ATP2C1: variants seen among roughly 807,000 people sequenced by gnomAD.
ATP2C1 encodes the protein calcium-transporting ATPase type 2C member 1.
In ATP2C1, 31 loss-of-function variants were observed where a neutral mutation model predicts 120.5. That is an observed-to-expected ratio of 0.26 (90% CI 0.19 to 0.35). ATP2C1 has a LOEUF of 0.35. Ranked by LOEUF, ATP2C1 falls within the 10% of genes least tolerant of loss-of-function variation. The pLI, the probability that ATP2C1 is intolerant of heterozygous loss-of-function variation, is 1.00. For synonymous variants in ATP2C1, 351 were observed against 358.7 expected (o/e 0.98, Z 0.24); for missense variants, 731 against 1,107.5 (o/e 0.66, Z 4.83).
At position 130,934,641 on chromosome 3, in the gene ATP2C1, T is replaced by C; in HGVS notation, c.254T>C (p.Met85Thr). 1 of 1,613,058 alleles carries C rather than the reference T, an allele frequency of 6.2e-7. No homozygotes were observed. ...YISQFKNPLI[M>T]LLLASAVISV... ...TTTCAGTTTAAAAATCCCCTTATTA[T>C]GCTGCTTCTGGCTTCTGCAGTCATC... is the stretch of plus-strand genomic sequence containing the variant. Residue 85 changes from methionine (M) to threonine (T), a missense_variant, in exon 5 of 28, where the codon ATG becomes ACG. Physicochemically the swap from Met to Thr is moderately conservative, Grantham distance 81 (BLOSUM62 -1). Around this residue, in one of 3 missense-constraint regions of ATP2C1, gnomAD observed 571 missense variants for 845.9 expected, o/e 0.67. Transcript: ENST00000510168.
downstream of ATP2C1, among the ~76,000 whole-genome samples, chr3:131,007,830 AT>A (rs2109009026): frequency 1.3e-5 from 2 of 152,332 alleles, no homozygotes; most frequent in African/African-American, 4.8e-5. Flanking sequence ...GAAACACGTG[AT>A]ATGTGCATCT....
At chr3:130,979,115 ATT>A in intron 18 of ATP2C1, 132 bp from the exon 19 acceptor site, 1 of 847,644 alleles carries the variant, frequency 1.2e-6, no homozygotes, top group Non-Finnish European at 1.9e-6. Flanking sequence ...AATCATTTTG[ATT>A]TTACAAATGA....
chr3:130,967,098 A>G, intron 14 of ATP2C1, 47 bp from the exon 15 acceptor site: 1 of 1,415,782 alleles, frequency 7.1e-7, no homozygotes, highest in Non-Finnish European at 1.0e-6. Context: ...TGTCACCACC[A>G]AGTGTTTGTA....
chr3:130,863,894 T>C (rs998951435), intron 1 of ATP2C1, among the ~76,000 whole-genome samples: 1 of 152,224 alleles, frequency 6.6e-6, no homozygotes, highest in Admixed American at 6.5e-5. Flanking sequence ...CCTCTTTTGC[T>C]TCCCAGTCTC....
intron 8 of ATP2C1, among the ~76,000 whole-genome samples, chr3:130,944,717 T>C (rs539707935): frequency 6.6e-6 from 1 of 152,342 alleles, no homozygotes; most frequent in South Asian, 2.1e-4. Context: ...TATTAATAAC[T>C]TAAGGAATTG....
chr3:130,889,601 C>T (rs2107860609), upstream of ATP2C1, among the ~76,000 whole-genome samples: 1 of 145,974 alleles, frequency 6.9e-6, no homozygotes, highest in Non-Finnish European at 1.5e-5. Flanking sequence ...TAGTTAACCC[C>T]TTTGTGGTTT....
intron 6 of ATP2C1, 33 bp downstream of exon 6, chr3:130,937,496 T>G (rs1242846020): frequency 6.3e-7 from 1 of 1,586,788 alleles, no homozygotes; most frequent in Non-Finnish European, 8.7e-7. Context: ...ATGAAAATGG[T>G]ATGTTAATTG....
At chr3:130,998,182 G>T in intron 25 of ATP2C1, 112 bp from the exon 26 acceptor site, 1 of 780,576 alleles carries the variant, frequency 1.3e-6, no homozygotes. Context: ...CATGTGTTAG[G>T]CTAAAGTTAT....
rs752078635 is a variant in ATP2C1, at chr3:130,967,365, C to T, written c.1254C>T (p.Asn418=). The part of the protein sequence containing the change: ...GCVCNDAVIR[N]NTLMGKPTEG... ...TGTGCAATGATGCTGTAATTAGAAA[C>T]AATACTCTAATGGGGAAGCCAACAG... The change falls in exon 16 of 28, where the codon AAC becomes AAT. Residue 418 remains asparagine (N), a synonymous_variant. Transcript: ENST00000510168. 1 of 1,613,676 alleles carries T rather than the reference C, an allele frequency of 6.2e-7. No individual in the cohort carries two copies. Among genetic ancestry groups the T allele is most frequent in the South Asian group, 1.1e-5 (1 of 91,068 alleles).
At chr3:130,871,882 C>T (rs779207460) in intron 1 of ATP2C1, among the ~76,000 whole-genome samples, 19 of 152,054 alleles carry the variant, frequency 1.2e-4, no homozygotes, top group Admixed American at 2.6e-4. Context: ...ATTAGCCAGG[C>T]GTGCTGGCGC....
At chr3:130,918,055 A>G (rs1034549969) in intron 2 of ATP2C1, among the ~76,000 whole-genome samples, 1 of 152,128 alleles carries the variant, frequency 6.6e-6, no homozygotes, top group Non-Finnish European at 1.5e-5. Flanking sequence ...AAGCAAAAGG[A>G]TAAGATATAG....
intron 1 of ATP2C1, chr3:130,855,867 A>G (rs2067823314): frequency 6.6e-6 from 1 of 152,250 alleles, no homozygotes; most frequent in African/African-American, 2.4e-5. Flanking sequence ...CCCCACTTCT[A>G]TGTGTCCCTG....
intron 1 of ATP2C1, among the ~76,000 whole-genome samples, chr3:130,884,307 G>A (rs2068891026): frequency 6.6e-6 from 1 of 152,150 alleles, no homozygotes; most frequent in African/African-American, 2.4e-5. Flanking sequence ...CCACGTATCT[G>A]TATAGTTTTC....
Position 131,002,392 on chromosome 3 carries a change from A to AT in ATP2C1, c.*1044dup. ...TTATGAACCAGAGTATATGTGGAAG[A>AT]TTCTTTGCTGGTCTTGCTCTGTGTG... On this transcript the variant is annotated 3_prime_UTR_variant, in exon 28 of 28. Coordinates refer to ENST00000510168, the MANE Select transcript of ATP2C1 (RefSeq NM_001378687.1). The AT allele has an allele frequency of 2.0e-6, 2 of 985,422 alleles. No individual in the cohort carries two copies. The highest frequency in any genetic ancestry group is 2.4e-6 in the Non-Finnish European group (2 of 829,910). 61.0% of individuals were successfully genotyped at this position (985,422 alleles called of 1,614,324 possible). A position where few individuals can be genotyped will look rare whatever the true frequency, so the allele number is the denominator to read the frequency against.
chr3:130,864,344 C>A (rs2068102957), intron 1 of ATP2C1, among the ~76,000 whole-genome samples: 1 of 152,182 alleles, frequency 6.6e-6, no homozygotes, highest in Non-Finnish European at 1.5e-5. Flanking sequence ...CAAGAGGTGA[C>A]TTCATCACTG....
intron 2 of ATP2C1, among the ~76,000 whole-genome samples, chr3:130,923,069 T>C (rs529455803): frequency 1.3e-5 from 2 of 152,340 alleles, no homozygotes; most frequent in South Asian, 4.1e-4. Context: ...TGAAGTTCCC[T>C]CACTATTATT....
At chr3:130,859,349 A>G (rs2107711642) in intron 1 of ATP2C1, among the ~76,000 whole-genome samples, 1 of 152,354 alleles carries the variant, frequency 6.6e-6, no homozygotes, top group Non-Finnish European at 1.5e-5. Flanking sequence ...AAAGACCTCA[A>G]GTGAAGAGCT....
chr3:130,898,915 G>A (rs1020931573), intron 2 of ATP2C1, among the ~76,000 whole-genome samples: 1 of 152,128 alleles, frequency 6.6e-6, no homozygotes, highest in Non-Finnish European at 1.5e-5. Flanking sequence ...GTTACATGTA[G>A]CATCTTAAAA....
intron 1 of ATP2C1, among the ~76,000 whole-genome samples, chr3:130,873,724 A>G (rs1048630009): frequency 2.6e-5 from 4 of 152,212 alleles, no homozygotes; most frequent in Admixed American, 1.3e-4. Flanking sequence ...TTTGGGAAAA[A>G]GAAAAGACTA....
Sources: gnomAD v4.1 joint callset for allele counts (sites outside exome capture counted in the v4.1 genomes callset) on GRCh38, gnomAD v4.1.1 for gene constraint, gnomAD v4.1.1 regional missense constraint, MANE v1.5 for transcripts, NCBI Gene and HGNC (gene_info 2026-07-23, HGNC 2026-07-21) for gene names.